CACNA2D3: variants seen among roughly 807,000 people sequenced by gnomAD.
CACNA2D3 encodes the protein voltage-dependent calcium channel subunit alpha-2/delta-3.
A neutral mutation model predicts 160.6 loss-of-function variants in CACNA2D3; 60 were observed. The observed-to-expected ratio is 0.37, with a 90% CI of 0.30 to 0.46. The LOEUF (loss-of-function observed/expected upper bound fraction) is 0.46, where lower values mean the gene tolerates loss of function less well. Ranked by LOEUF, CACNA2D3 falls within the 20% of genes least tolerant of loss-of-function variation. CACNA2D3 has a pLI of 1.00. For missense variants in CACNA2D3, 1,205 were observed against 1,365.0 expected (o/e 0.88, Z 1.85); for synonymous variants, 558 against 492.9 (o/e 1.13, Z -1.75).
At chr3:54,206,239 C>T (rs1401652198) in intron 2 of CACNA2D3, among the ~76,000 whole-genome samples, 1 of 152,040 alleles carries the variant, frequency 6.6e-6, no homozygotes, top group Non-Finnish European at 1.5e-5. Flanking sequence ...AGAAAGAGTC[C>T]TAGAAATTCT....
At chr3:54,596,299 TC>T (rs1336991815) in intron 9 of CACNA2D3, among the ~76,000 whole-genome samples, 5 of 152,108 alleles carry the variant, frequency 3.3e-5, no homozygotes, top group Non-Finnish European at 5.9e-5. Flanking sequence ...GGTGCAGAGT[TC>T]CATTCCGCTG....
At chr3:54,504,673 G>A (rs1014007374) in intron 5 of CACNA2D3, among the ~76,000 whole-genome samples, 1 of 152,160 alleles carries the variant, frequency 6.6e-6, no homozygotes, top group Non-Finnish European at 1.5e-5. Flanking sequence ...TCCCATCAAG[G>A]TTTCAAAGAT....
At chr3:54,171,774 C>A (rs556888671) in intron 2 of CACNA2D3, among the ~76,000 whole-genome samples, 3 of 152,278 alleles carry the variant, frequency 2.0e-5, no homozygotes, top group African/African-American at 7.2e-5. Flanking sequence ...GGATATCTTC[C>A]CACTGAACTT....
At chr3:54,969,633 T>G (rs561413797) in intron 28 of CACNA2D3, among the ~76,000 whole-genome samples, 167 bp from the exon 29 acceptor site, 2 of 152,316 alleles carry the variant, frequency 1.3e-5, no homozygotes, top group South Asian at 4.1e-4. Flanking sequence ...CCAGAGATAG[T>G]AGACAAGACA....
chr3:54,590,712 G>T (rs1019656329), intron 9 of CACNA2D3, among the ~76,000 whole-genome samples: 3 of 151,796 alleles, frequency 2.0e-5, no homozygotes, highest in Non-Finnish European at 2.9e-5. Context: ...CTCCCAAAAT[G>T]CTGGGATTAC....
chr3:54,343,470 G>C (rs1329425562), intron 3 of CACNA2D3, among the ~76,000 whole-genome samples: 1 of 152,012 alleles, frequency 6.6e-6, no homozygotes, highest in Non-Finnish European at 1.5e-5. Context: ...TTTTTGTAGA[G>C]ATGGGATTTC....
intron 13 of CACNA2D3, among the ~76,000 whole-genome samples, chr3:54,811,166 C>T (rs1157869205): frequency 1.3e-5 from 2 of 152,204 alleles, no homozygotes; most frequent in Non-Finnish European, 2.9e-5. Context: ...TACACCTCTG[C>T]CTGCAATCCT....
intron 12 of CACNA2D3, among the ~76,000 whole-genome samples, chr3:54,763,802 CATATATATACAT>C (rs1211277868): frequency 0.066 from 882 of 13,302 alleles, 236 homozygotes; most frequent in African/African-American, 0.2. Context: ...TATATATGTA[CATATATATACAT>C]ATATATATAC....
At chr3:54,933,611 C>A (rs1701259973) in intron 27 of CACNA2D3, among the ~76,000 whole-genome samples, 1 of 152,300 alleles carries the variant, frequency 6.6e-6, no homozygotes, top group Non-Finnish European at 1.5e-5. Flanking sequence ...GTTTCTGCCT[C>A]CACATTTTAT....
intron 3 of CACNA2D3, among the ~76,000 whole-genome samples, chr3:54,339,392 C>T (rs78970585): frequency 4.6e-5 from 7 of 152,316 alleles, no homozygotes; most frequent in Admixed American, 3.3e-4. Context: ...CCAAATACCC[C>T]CTTCACCCCT....
chr3:54,257,144 G>T (rs1702312980), intron 2 of CACNA2D3, among the ~76,000 whole-genome samples: 1 of 152,186 alleles, frequency 6.6e-6, no homozygotes, highest in Non-Finnish European at 1.5e-5. Context: ...TCTGTTCCCA[G>T]CAACTTCTGA....
chr3:54,905,065 T>C (rs1700423355), intron 27 of CACNA2D3, among the ~76,000 whole-genome samples: 1 of 152,202 alleles, frequency 6.6e-6, no homozygotes, highest in Non-Finnish European at 1.5e-5. Context: ...ACCAGAGACA[T>C]TGGTTTCTTA....
chr3:55,055,282 C>A (rs1030663224), intron 35 of CACNA2D3, among the ~76,000 whole-genome samples: 1 of 152,038 alleles, frequency 6.6e-6, no homozygotes, highest in Non-Finnish European at 1.5e-5. Context: ...AAGTGGATAT[C>A]CAGTTGTCCC....
At chr3:54,992,639 T>G (rs1702765792) in intron 31 of CACNA2D3, among the ~76,000 whole-genome samples, 1 of 152,120 alleles carries the variant, frequency 6.6e-6, no homozygotes, top group South Asian at 2.1e-4. Context: ...CCCATCTTTT[T>G]GAGGTCAGCT....
chr3:54,369,167 C>T (rs2359792), intron 3 of CACNA2D3, among the ~76,000 whole-genome samples: 30,270 of 151,790 alleles, frequency 0.2, 3,224 homozygotes, highest in Middle Eastern at 0.29. Context: ...TGTTGAGTTT[C>T]GTTTGTTTGT....
At chr3:54,385,783 TTATG>T (rs1699177311) in intron 3 of CACNA2D3, 1 of 399,224 alleles carries the variant, frequency 2.5e-6, no homozygotes, top group Non-Finnish European at 4.8e-6. Context: ...CAGGCCTATA[TTATG>T]TCAAGAAAAA....
chr3:54,730,348 T>G (rs116001389), intron 11 of CACNA2D3, among the ~76,000 whole-genome samples: 2,229 of 152,260 alleles, frequency 0.015, 30 homozygotes, highest in Non-Finnish European at 0.025. Context: ...GGACAACCAC[T>G]GGGCCTTACT....
At chr3:54,258,819 A>G (rs1340238295) in intron 2 of CACNA2D3, among the ~76,000 whole-genome samples, 9 of 152,214 alleles carry the variant, frequency 5.9e-5, no homozygotes, top group Non-Finnish European at 5.9e-5. Context: ...GATTAATAAT[A>G]AATAACCTAT....
chr3:54,610,562 CTG>C, intron 9 of CACNA2D3, among the ~76,000 whole-genome samples: 1 of 152,148 alleles, frequency 6.6e-6, no homozygotes, highest in African/African-American at 2.4e-5. Flanking sequence ...CTAGATCTGA[CTG>C]TATCTGGCTT....
Sources: allele counts gnomAD v4.1 joint callset (sites outside exome capture counted in the v4.1 genomes callset), GRCh38; gene constraint gnomAD v4.1.1; transcripts MANE v1.5; gene names NCBI Gene and HGNC (gene_info 2026-07-23, HGNC 2026-07-21).